The following PRKG1 variants were observed in gnomAD, a reference collection of about 807,000 sequenced individuals.
PRKG1 encodes cGMP-dependent protein kinase 1.
PRKG1 carries 35 observed loss-of-function variants against 88.1 expected under a neutral mutation model. The observed-to-expected ratio is 0.40, with a 90% CI of 0.30 to 0.53. PRKG1 has a LOEUF of 0.53. PRKG1 is among the 20% of genes least tolerant of loss of function. The pLI is 0.59. For synonymous variants in PRKG1, 303 were observed against 292.5 expected, an observed-to-expected ratio of 1.04 and a Z score of -0.37; for missense variants, 540 against 839.8, an observed-to-expected ratio of 0.64 and a Z score of 4.41.
intron 5 of PRKG1, among the ~76,000 whole-genome samples, chr10:51,967,516 A>G (rs1843601568): frequency 6.6e-6 from 1 of 152,200 alleles, no homozygotes; most frequent in South Asian, 2.1e-4. Flanking sequence ...ATATGTAACT[A>G]ACCTGCATGT....
intron 7 of PRKG1, among the ~76,000 whole-genome samples, chr10:52,067,083 G>A (rs184193535): frequency 6.6e-6 from 1 of 152,058 alleles, no homozygotes; most frequent in African/African-American, 2.4e-5. Context: ...AAATTGATTT[G>A]TTTCACTTGT....
At chr10:51,991,586 G>T (rs1411462794) in intron 5 of PRKG1, among the ~76,000 whole-genome samples, 2 of 152,040 alleles carry the variant, frequency 1.3e-5, no homozygotes, top group Non-Finnish European at 2.9e-5. Context: ...TGGGTCCAAC[G>T]GTTCTCATTG....
intron 10 of PRKG1, among the ~76,000 whole-genome samples, chr10:52,260,076 C>T (rs1841398132): frequency 6.6e-6 from 1 of 151,956 alleles, no homozygotes; most frequent in African/African-American, 2.4e-5. Context: ...GGCAGGTTCT[C>T]CTCTACATCC....
At chr10:51,573,434 G>T (rs945167347) in intron 3 of PRKG1, among the ~76,000 whole-genome samples, 1 of 151,762 alleles carries the variant, frequency 6.6e-6, no homozygotes, top group African/African-American at 2.4e-5. Context: ...GTTTAAATGG[G>T]TTTACTTAGA....
At chr10:51,166,370 A>T (rs962276843) in intron 2 of PRKG1, among the ~76,000 whole-genome samples, 11 of 152,282 alleles carry the variant, frequency 7.2e-5, no homozygotes, top group African/African-American at 2.4e-4. Context: ...CCCTGAGTTT[A>T]TATCATATTT....
At chr10:51,295,347 T>C (rs1840692332) in intron 2 of PRKG1, among the ~76,000 whole-genome samples, 1 of 152,148 alleles carries the variant, frequency 6.6e-6, no homozygotes, top group Non-Finnish European at 1.5e-5. Context: ...GTAAGTCTTT[T>C]GCCTCTTAAG....
At chr10:51,214,916 CAT>C (rs921406616) in intron 2 of PRKG1, among the ~76,000 whole-genome samples, 3 of 152,310 alleles carry the variant, frequency 2.0e-5, no homozygotes, top group African/African-American at 2.4e-5. Flanking sequence ...ACTCTTGACA[CAT>C]GTTTGCAAAT....
At position 51,022,886 on chromosome 10, in the gene PRKG1, A is replaced by G. The variant is rs112755648; in HGVS notation, c.266+31242A>G. ...GTGGTGGGTTCCTATAATCCCAGCT[A>G]CCTGGGAGGCTGAGGCAGGAGAATC... On this transcript the variant is annotated intron_variant, in intron 1 of 17. Coordinates refer to the PRKG1 transcript ENST00000401604. Among the ~76,000 whole-genome samples the G allele has an allele frequency of 4.2e-3, 643 of 152,310 alleles. 3 individuals carry two copies. The highest frequency in any genetic ancestry group is 0.015 in the African/African-American group (622 of 41,586).
intron 5 of PRKG1, among the ~76,000 whole-genome samples, chr10:51,985,682 A>G (rs576465443): frequency 6.6e-6 from 1 of 152,200 alleles, no homozygotes; most frequent in Admixed American, 6.5e-5. Context: ...GTCTGCTGCC[A>G]TTTAAAAAAT....
chr10:51,337,603 A>G (rs1841907637), intron 2 of PRKG1, among the ~76,000 whole-genome samples: 1 of 152,174 alleles, frequency 6.6e-6, no homozygotes, highest in African/African-American at 2.4e-5. Context: ...ATGAAGGGAC[A>G]CTTCTCAAAG....
At chr10:51,934,258 C>CT (rs1389182886) in intron 5 of PRKG1, among the ~76,000 whole-genome samples, 2 of 146,282 alleles carry the variant, frequency 1.4e-5, no homozygotes, top group Non-Finnish European at 3.0e-5. Context: ...ACACATACCC[C>CT]CCCCCCAACA....
chr10:52,241,957 C>T (rs1589727623), intron 9 of PRKG1: 2 of 152,290 alleles, frequency 1.3e-5, no homozygotes, highest in East Asian at 3.9e-4. Flanking sequence ...AATTTGAAGG[C>T]AAAACGTGAT....
At chr10:51,187,707 A>G (rs1489348067) in intron 2 of PRKG1, among the ~76,000 whole-genome samples, 1 of 152,028 alleles carries the variant, frequency 6.6e-6, no homozygotes, top group Non-Finnish European at 1.5e-5. Context: ...TTCCTATTAC[A>G]GTTCTACAGA....
intron 4 of PRKG1, among the ~76,000 whole-genome samples, chr10:51,822,316 G>A (rs1839769919): frequency 6.6e-6 from 1 of 151,938 alleles, no homozygotes; most frequent in African/African-American, 2.4e-5. Flanking sequence ...ATAAAGCCAG[G>A]CACAGAAAGA....
At chr10:51,845,923 G>T (rs937724650) in intron 4 of PRKG1, among the ~76,000 whole-genome samples, 4 of 150,738 alleles carry the variant, frequency 2.7e-5, no homozygotes, top group African/African-American at 7.3e-5. Flanking sequence ...GAATGATACA[G>T]TTCTGTCTGA....
chr10:52,232,991 G>A (rs1840562191), intron 9 of PRKG1, among the ~76,000 whole-genome samples: 2 of 152,112 alleles, frequency 1.3e-5, no homozygotes, highest in Admixed American at 1.3e-4. Context: ...ACATTAAGTG[G>A]ACATTGAACA....
At chr10:52,186,510 C>T (rs758770206) in intron 9 of PRKG1, among the ~76,000 whole-genome samples, 13 of 152,080 alleles carry the variant, frequency 8.5e-5, no homozygotes, top group African/African-American at 2.4e-4. Context: ...TCACTACCAA[C>T]GCTGGGAATC....
At chr10:52,208,717 A>T (rs1213195476) in intron 9 of PRKG1, among the ~76,000 whole-genome samples, 2 of 152,224 alleles carry the variant, frequency 1.3e-5, no homozygotes, top group African/African-American at 4.8e-5. Context: ...ATGGCAAATT[A>T]TTTCTGCCCT....
chr10:51,575,087 A>G (rs1342130321), intron 3 of PRKG1, among the ~76,000 whole-genome samples: 2 of 151,990 alleles, frequency 1.3e-5, no homozygotes, highest in East Asian at 3.9e-4. Flanking sequence ...ATTCACGGCT[A>G]CAAGTGAGAG....
Sources: allele counts gnomAD v4.1 joint callset (sites outside exome capture counted in the v4.1 genomes callset), GRCh38; gene constraint gnomAD v4.1.1; transcripts MANE v1.5; gene names NCBI Gene and HGNC (gene_info 2026-07-23, HGNC 2026-07-21).